Variants in CELF2 observed in about 807,000 individuals in gnomAD.
CELF2 encodes CUGBP Elav-like family member 2.
CELF2 carries 8 observed loss-of-function variants against 62.6 expected under a neutral mutation model. The observed-to-expected ratio is 0.13, with a 90% CI of 0.07 to 0.23. The LOEUF (loss-of-function observed/expected upper bound fraction) is 0.23, where lower values mean the gene tolerates loss of function less well. Among genes scored for constraint, CELF2 ranks in the 10% least tolerant of loss-of-function variants. The probability of loss-of-function intolerance (pLI) is 1.00; values close to 1 mark genes in which losing one functional copy is unlikely to be tolerated. For missense variants in CELF2, 333 were observed against 671.0 expected (o/e 0.50, Z 5.56); for synonymous variants, 258 against 250.0 (o/e 1.03, Z -0.30).
intron 1 of CELF2, among the ~76,000 whole-genome samples, chr10:11,036,391 T>C (rs1467062107): frequency 6.6e-6 from 1 of 152,250 alleles, no homozygotes; most frequent in East Asian, 1.9e-4. Context: ...AATTACTTTC[T>C]TCAGCCATTT....
At chr10:10,541,103 C>T in the CELF2 span, among the ~76,000 whole-genome samples, 2 of 151,614 alleles carry the variant, frequency 1.3e-5, no homozygotes, top group African/African-American at 2.4e-5. Context: ...ATTAGCCGGG[C>T]GTGGTGGTGG....
intron 2 of CELF2, among the ~76,000 whole-genome samples, chr10:10,941,991 CAAA>C (rs3029016): frequency 0.017 from 1,929 of 113,266 alleles, 14 homozygotes; most frequent in African/African-American, 0.03. Flanking sequence ...GACTCTGTCT[CAAA>C]AAAAAAAAAA....
At chr10:10,777,454 A>T in the CELF2 span, among the ~76,000 whole-genome samples, 1 of 151,808 alleles carries the variant, frequency 6.6e-6, no homozygotes, top group Admixed American at 6.6e-5. Flanking sequence ...TAGCTATCAC[A>T]CCTCACCCCT....
In CELF2 at chr10:10,912,394, C is replaced by CA. The variant is rs1554879522; in HGVS notation, c.54-7570_54-7569insA. On this transcript the variant is annotated intron_variant, in intron 1 of 13. Transcript: ENST00000636488. ...GTGAAGTTCCTAACAATGGGACTTA[C>CA]TTTTTTTTTTGAGATGCTCTGTCTC... Among the ~76,000 whole-genome samples the CA allele has an allele frequency of 1.2e-4, 18 of 150,150 alleles. No individual in the cohort carries two copies. In the East Asian group the frequency reaches 3.3e-3, roughly 28 times the overall value.
chr10:11,181,776 C>T (rs1448965619), intron 2 of CELF2, among the ~76,000 whole-genome samples: 1 of 152,224 alleles, frequency 6.6e-6, no homozygotes, highest in Admixed American at 6.5e-5. Flanking sequence ...AGGACCTCAT[C>T]GAACTTAGTA....
chr10:11,333,627 G>A lies in CELF2; in HGVS notation c.*4574G>A, dbSNP rs1180065800. ...ACAAAAAATGTATTTGTTTTTTTGT[G>A]CTGTGAGAATTGATGTTTGTAGATT... On this transcript the variant is annotated 3_prime_UTR_variant, in exon 13 of 13. Coordinates refer to ENST00000633077, the MANE Select transcript of CELF2 (RefSeq NM_001326342.2). The A allele has an allele frequency of 2.6e-5, 4 of 152,024 alleles. No individual in the cohort carries two copies. The highest frequency in any genetic ancestry group is 7.3e-5 in the African/African-American group (3 of 41,260). 9.4% of individuals were successfully genotyped at this position (152,024 alleles called of 1,614,324 possible).
chr10:10,622,509 G>A, the CELF2 span, among the ~76,000 whole-genome samples: 11 of 151,930 alleles, frequency 7.2e-5, no homozygotes, highest in African/African-American at 2.7e-4. Flanking sequence ...AATAAAATAG[G>A]TCAGGAGCTG....
the CELF2 span, among the ~76,000 whole-genome samples, chr10:10,551,951 T>A: frequency 8.3e-6 from 1 of 121,132 alleles, no homozygotes; most frequent in Non-Finnish European, 1.7e-5. Context: ...TTCAGGGTGC[T>A]TTTTTTTCTA....
In CELF2 at chr10:10,997,153, G is replaced by C. The variant is rs1370244061; in HGVS notation, c.89+77154G>C. Among the ~76,000 whole-genome samples the C allele has an allele frequency of 2.0e-5, 3 of 152,054 alleles. No homozygotes were observed. The highest frequency in any genetic ancestry group is 4.8e-5 in the African/African-American group (2 of 41,390). ...TCCACGTACTGCATGTGTCAGCTTGGGCCGTTTTTAATCTGCCAGGCCCTT... is the reference window on the plus strand; with the variant it reads ...TCCACGTACTGCATGTGTCAGCTTGCGCCGTTTTTAATCTGCCAGGCCCTT... On this transcript the variant is annotated intron_variant, in intron 2 of 13. Transcript: ENST00000636488. The surrounding 1 kb of genome is among the most constrained non-coding windows in gnomAD (Gnocchi z 5.3).
Position 11,316,190 on chromosome 10 carries a change from T to C in CELF2, c.1096+1932T>C, listed in dbSNP as rs1009224956. 2.0e-5 allele frequency among the ~76,000 whole-genome samples: 3 copies of C among 152,212 alleles called. No homozygotes were observed. Among genetic ancestry groups the C allele is most frequent in the African/African-American group, 7.2e-5 (3 of 41,446 alleles). On this transcript the variant is annotated intron_variant, in intron 10 of 12. Coordinates refer to ENST00000633077, the MANE Select transcript of CELF2 (RefSeq NM_001326342.2). The surrounding 1 kb of genome is among the most constrained non-coding windows in gnomAD (Gnocchi z 4.4). ...GGCAAGGACAACAGGCTTAAATTGTTTTGCTTTTTAAAATTCTTTGCCAAT... is the reference window on the plus strand; with the variant it reads ...GGCAAGGACAACAGGCTTAAATTGTCTTGCTTTTTAAAATTCTTTGCCAAT...
At position 11,181,715 on chromosome 10, in the gene CELF2, A is replaced by G. The variant is rs375849465; in HGVS notation, c.271+16033A>G. ...AGTTGCATACGCATTTGTCATCTCT[A>G]ACTCTAAGTGTCTTGCCTTGGGGCT... On this transcript the variant is annotated intron_variant, in intron 2 of 12. Transcript: ENST00000633077. Among the ~76,000 whole-genome samples the G allele has an allele frequency of 2.0e-4, 31 of 152,172 alleles. 1 individual carries two copies. The South Asian group carries it at 5.4e-3, about 26-fold the overall frequency.
At chr10:10,525,661 T>G in the CELF2 span, among the ~76,000 whole-genome samples, 1 of 152,236 alleles carries the variant, frequency 6.6e-6, no homozygotes, top group Non-Finnish European at 1.5e-5. Context: ...AATGGAAGAA[T>G]TTCCCTCTTC....
At chr10:11,002,256 G>A (rs575772554), upstream of CELF2, among the ~76,000 whole-genome samples, 1 of 152,260 alleles carries the variant, frequency 6.6e-6, no homozygotes, top group African/African-American at 2.4e-5. This position sits in a 1 kb window ranked among gnomAD's most constrained non-coding sequence, Gnocchi z 4.4. Context: ...ACTACCACGA[G>A]AACAGAATGG....
At chr10:10,507,582 G>A in the CELF2 span, among the ~76,000 whole-genome samples, 2 of 152,180 alleles carry the variant, frequency 1.3e-5, no homozygotes, top group Non-Finnish European at 1.5e-5. Context: ...TACCTAGAAG[G>A]TAGAAAGGGG....
At chr10:10,803,983 AT>A (rs2054941575) in intron 1 of CELF2, among the ~76,000 whole-genome samples, 1 of 152,254 alleles carries the variant, frequency 6.6e-6, no homozygotes, top group African/African-American at 2.4e-5. Flanking sequence ...TGACTGATGA[AT>A]TAATGACTCC....
chr10:10,571,402 A>G, the CELF2 span, among the ~76,000 whole-genome samples: 1 of 152,226 alleles, frequency 6.6e-6, no homozygotes, highest in Non-Finnish European at 1.5e-5. Context: ...ACAGTAATAA[A>G]ATAATAAAGT....
chr10:10,899,268 T>C (rs143511393), intron 1 of CELF2, among the ~76,000 whole-genome samples: 243 of 152,044 alleles, frequency 1.6e-3, no homozygotes, highest in African/African-American at 5.6e-3. Flanking sequence ...ACAAAGAAAA[T>C]TGATGAAACT....
At chr10:10,622,153 TC>T in the CELF2 span, among the ~76,000 whole-genome samples, 1 of 152,182 alleles carries the variant, frequency 6.6e-6, no homozygotes, top group Non-Finnish European at 1.5e-5. Context: ...TGCTGGTGAT[TC>T]TGAGGCGCTG....
intron 8 of CELF2, among the ~76,000 whole-genome samples, chr10:11,278,736 C>T (rs2087098963): frequency 6.6e-6 from 1 of 152,188 alleles, no homozygotes; most frequent in African/African-American, 2.4e-5. Context: ...TGAAAAGGTT[C>T]AGTGAGTAAT....
Sources: gnomAD v4.1 joint callset for allele counts (sites outside exome capture counted in the v4.1 genomes callset) on GRCh38, gnomAD v4.1.1 for gene constraint, Gnocchi (gnomAD v3.1) non-coding constraint, MANE v1.5 for transcripts, NCBI Gene and HGNC (gene_info 2026-07-23, HGNC 2026-07-21) for gene names.